The following SMLR1 variants were observed in gnomAD, a reference collection of about 807,000 sequenced individuals.
The protein encoded by SMLR1 is small leucine rich protein 1, also known as small leucine-rich protein 1.
A neutral mutation model predicts 6.1 loss-of-function variants in SMLR1; 3 were observed. The ratio of observed to expected loss-of-function variants is 0.49; its 90% confidence interval spans 0.22 to 1.28. The LOEUF is 1.28. Ranked by LOEUF, SMLR1 falls within the 50% of genes most tolerant of loss-of-function variation. The pLI is 0.19. For missense variants in SMLR1, 126 were observed against 124.8 expected (o/e 1.01, Z -0.05); for synonymous variants, 55 against 53.6 (o/e 1.03, Z -0.11).
chr6:130,833,407 G>A (rs535417481), intron 1 of SMLR1, among the ~76,000 whole-genome samples: 1 of 152,116 alleles, frequency 6.6e-6, no homozygotes, highest in Admixed American at 6.6e-5. Context: ...GTTAGCCATT[G>A]GTAATAAGAG....
intron 1 of SMLR1, among the ~76,000 whole-genome samples, chr6:130,830,887 A>ACC (rs771381991): frequency 0.021 from 3,129 of 151,416 alleles, 99 homozygotes; most frequent in African/African-American, 0.073. Flanking sequence ...GGCATAAATA[A>ACC]CCGCCCCCCC....
At chr6:130,828,378 G>A (rs895234041) in intron 1 of SMLR1, among the ~76,000 whole-genome samples, 12 of 152,090 alleles carry the variant, frequency 7.9e-5, no homozygotes, top group Admixed American at 7.2e-4. Context: ...GTACACATGA[G>A]ATTAATATCA....
At chr6:130,830,889 C>T (rs778346656) in intron 1 of SMLR1, among the ~76,000 whole-genome samples, 6 of 152,284 alleles carry the variant, frequency 3.9e-5, no homozygotes, top group African/African-American at 4.8e-5. Context: ...CATAAATAAC[C>T]GCCCCCCCGC....
At chr6:130,830,129 G>A (rs1403266923) in intron 1 of SMLR1, among the ~76,000 whole-genome samples, 2 of 152,134 alleles carry the variant, frequency 1.3e-5, no homozygotes, top group Admixed American at 1.3e-4. Context: ...AGAAGTTAGA[G>A]GAGGTGTTGC....
intron 1 of SMLR1, among the ~76,000 whole-genome samples, chr6:130,828,707 C>A (rs1774352531): frequency 6.6e-6 from 1 of 152,128 alleles, no homozygotes; most frequent in African/African-American, 2.4e-5. Context: ...TCAAATATGC[C>A]CCTAGCCTTT....
intron 1 of SMLR1, among the ~76,000 whole-genome samples, chr6:130,833,256 C>T (rs556413221): frequency 1.2e-4 from 18 of 152,264 alleles, no homozygotes; most frequent in South Asian, 1.0e-3. Context: ...TGTAGATTGA[C>T]GAGCTTCCTC....
intron 1 of SMLR1, among the ~76,000 whole-genome samples, chr6:130,831,208 T>C (rs570272722): frequency 2.0e-5 from 3 of 152,270 alleles, no homozygotes; most frequent in South Asian, 4.1e-4. Context: ...GGGCCCTGGA[T>C]GGTGTCCTTG....
At chr6:130,833,652 A>G (rs971931195) in intron 1 of SMLR1, among the ~76,000 whole-genome samples, 77 of 152,154 alleles carry the variant, frequency 5.1e-4, no homozygotes, top group African/African-American at 1.8e-3. Flanking sequence ...GCTCATCAGC[A>G]ATTTAATAAT....
At chr6:130,834,376 G>C (rs1774572156) in intron 1 of SMLR1, among the ~76,000 whole-genome samples, 1 of 152,142 alleles carries the variant, frequency 6.6e-6, no homozygotes, top group Admixed American at 6.6e-5. Context: ...TAATATTTTA[G>C]TAGAGTAGCT....
intron 1 of SMLR1, among the ~76,000 whole-genome samples, chr6:130,833,453 A>G (rs1774532928): frequency 6.6e-6 from 1 of 152,206 alleles, no homozygotes; most frequent in Admixed American, 6.5e-5. Flanking sequence ...TCAGTGAGTT[A>G]AAAGTCTAAG....
At chr6:130,827,672 G>A (rs1271744330) in intron 1 of SMLR1, 21 bp downstream of exon 1, 43 of 1,520,502 alleles carry the variant, frequency 2.8e-5, no homozygotes, top group Non-Finnish European at 3.5e-5. Flanking sequence ...GGCCACACAA[G>A]GAAGAACTTG....
chr6:130,834,088 G>A (rs1414181766), intron 1 of SMLR1, among the ~76,000 whole-genome samples: 1 of 152,156 alleles, frequency 6.6e-6, no homozygotes, highest in South Asian at 2.1e-4. Flanking sequence ...TTCAGGAAGA[G>A]AGCTGTGTCT....
At position 130,829,534 on chromosome 6, in the gene SMLR1, C is replaced by T. The variant is rs188502405; in HGVS notation, c.238+1883C>T. On this transcript the variant is annotated intron_variant, in intron 1 of 1. Coordinates refer to ENST00000541421, the MANE Select transcript of SMLR1 (RefSeq NM_001195597.2). ...GAGGAAGTGCTCCATGTGTGTACAC[C>T]TCTGTGATGATTGCACGCTGATGCC... 5.8e-4 allele frequency among the ~76,000 whole-genome samples: 88 copies of T among 152,266 alleles called. No individual in the cohort carries two copies. In the East Asian group the frequency reaches 0.013, roughly 22 times the overall value.
chr6:130,829,628 C>A (rs2128384316), intron 1 of SMLR1, among the ~76,000 whole-genome samples: 1 of 152,298 alleles, frequency 6.6e-6, no homozygotes, highest in South Asian at 2.1e-4. Flanking sequence ...AAAGTTACTA[C>A]CTTAAGTTTG....
chr6:130,829,722 TC>T, intron 1 of SMLR1, among the ~76,000 whole-genome samples: 1 of 152,230 alleles, frequency 6.6e-6, no homozygotes, highest in Non-Finnish European at 1.5e-5. Context: ...TCTTCACACT[TC>T]CTTCCCCTTT....
chr6:130,828,579 A>G (rs1282272458), intron 1 of SMLR1, among the ~76,000 whole-genome samples: 1 of 152,194 alleles, frequency 6.6e-6, no homozygotes, highest in Non-Finnish European at 1.5e-5. Context: ...GCTATAATAT[A>G]TAACCTAACA....
intron 1 of SMLR1, 105 bp from the exon 2 acceptor site, chr6:130,834,765 C>T: frequency 1.1e-6 from 1 of 907,906 alleles, no homozygotes; most frequent in South Asian, 1.5e-5. Flanking sequence ...TGTGACTCGC[C>T]AAGGCCACCA....
rs1380722684 is a variant in SMLR1, at chr6:130,835,644, G to C, written c.*689G>C. On this transcript the variant is annotated 3_prime_UTR_variant, in exon 2 of 2. Coordinates refer to ENST00000541421, the MANE Select transcript of SMLR1 (RefSeq NM_001195597.2). ...CAATTTGGTAATGGGAAAAGGAAAGGGCAGAATGTTCACATAATTCCTGAG... is the reference window on the plus strand; with the variant it reads ...CAATTTGGTAATGGGAAAAGGAAAGCGCAGAATGTTCACATAATTCCTGAG... 6.6e-6 allele frequency: 1 copy of C among 152,194 alleles called. No homozygotes were observed. 9.4% of individuals were successfully genotyped at this position (152,194 alleles called of 1,614,324 possible).
chr6:130,828,907 T>C (rs1007595206), intron 1 of SMLR1, among the ~76,000 whole-genome samples: 2 of 152,124 alleles, frequency 1.3e-5, no homozygotes, highest in Admixed American at 1.3e-4. Flanking sequence ...ACCCCGGAAG[T>C]AGCCTCCAAA....
Sources: gnomAD v4.1 joint callset for allele counts (sites outside exome capture counted in the v4.1 genomes callset) on GRCh38, gnomAD v4.1.1 for gene constraint, MANE v1.5 for transcripts, NCBI Gene and HGNC (gene_info 2026-07-23, HGNC 2026-07-21) for gene names.